The following B3GALT1 variants were observed in gnomAD, a reference collection of about 807,000 sequenced individuals.
B3GALT1 encodes the protein beta-1,3-galactosyltransferase 1, also known as UDP-Gal:betaGlcNAc beta 1,3-galactosyltransferase, polypeptide 1.
Under a neutral mutation model 23.2 loss-of-function variants are expected in B3GALT1, and 10 were observed. That is an observed-to-expected ratio of 0.43 (90% CI 0.27 to 0.73). The LOEUF is 0.73. B3GALT1 is among the 30% of genes least tolerant of loss of function. The pLI is 0.21. For missense variants in B3GALT1, 299 were observed against 405.4 expected (o/e 0.74, Z 2.25); for synonymous variants, 156 against 141.5 (o/e 1.10, Z -0.73).
intron 2 of B3GALT1, among the ~76,000 whole-genome samples, chr2:167,559,179 T>C (rs1046412117): frequency 6.6e-6 from 1 of 152,180 alleles, no homozygotes; most frequent in East Asian, 1.9e-4. Context: ...CAGACACCGC[T>C]GCTGATACCC....
At chr2:167,735,049 CA>C in intron 3 of B3GALT1, among the ~76,000 whole-genome samples, 1 of 152,212 alleles carries the variant, frequency 6.6e-6, no homozygotes, top group Middle Eastern at 3.4e-3. Context: ...ATATTTTAAA[CA>C]ATCACTCCAA....
intron 2 of B3GALT1, among the ~76,000 whole-genome samples, chr2:167,578,505 G>A (rs1295541470): frequency 5.3e-5 from 8 of 151,634 alleles, no homozygotes; most frequent in Admixed American, 5.3e-4. Flanking sequence ...TATTCAAAAT[G>A]AATTTTCTTC....
At chr2:167,766,480 G>T (rs997327208) in intron 3 of B3GALT1, among the ~76,000 whole-genome samples, 3 of 152,160 alleles carry the variant, frequency 2.0e-5, no homozygotes, top group African/African-American at 4.8e-5. Flanking sequence ...AGACACTTTT[G>T]TATGCAATAA....
intron 3 of B3GALT1, among the ~76,000 whole-genome samples, chr2:167,700,951 C>G (rs1686872852): frequency 6.6e-6 from 1 of 152,188 alleles, no homozygotes; most frequent in African/African-American, 2.4e-5. Flanking sequence ...TTCTCAGAAC[C>G]AAGATCCTAA....
At chr2:167,567,328 A>C (rs1001930581) in intron 2 of B3GALT1, among the ~76,000 whole-genome samples, 14 of 152,188 alleles carry the variant, frequency 9.2e-5, no homozygotes, top group Admixed American at 9.2e-4. Context: ...CTTTGATTTA[A>C]ATATAGGAGT....
chr2:167,329,640 C>T (rs2689823), intron 1 of B3GALT1, among the ~76,000 whole-genome samples: 121,213 of 152,058 alleles, frequency 0.8, 50,022 homozygotes, highest in Non-Finnish European at 0.91. Context: ...TAAATCTGGG[C>T]GCTGCAATTT....
chr2:167,624,617 T>A (rs1685310418), intron 2 of B3GALT1, among the ~76,000 whole-genome samples: 1 of 152,068 alleles, frequency 6.6e-6, no homozygotes, highest in Non-Finnish European at 1.5e-5. Context: ...TACTACAGTC[T>A]AACTCCCAAA....
chr2:167,612,290 G>A (rs1685080035), intron 2 of B3GALT1, among the ~76,000 whole-genome samples: 1 of 151,828 alleles, frequency 6.6e-6, no homozygotes, highest in East Asian at 1.9e-4. Flanking sequence ...TATGTTTGCA[G>A]TAAATGAGAC....
At chr2:167,727,541 A>G (rs886949931) in intron 3 of B3GALT1, among the ~76,000 whole-genome samples, 17 of 152,192 alleles carry the variant, frequency 1.1e-4, no homozygotes, top group African/African-American at 4.1e-4. Context: ...ACATTCCAGC[A>G]TACCTCAAAA....
intron 4 of B3GALT1, among the ~76,000 whole-genome samples, chr2:167,861,992 G>A (rs1405968856): frequency 2.6e-5 from 4 of 152,294 alleles, no homozygotes; most frequent in Middle Eastern, 3.4e-3. Flanking sequence ...AAGCTGCTTG[G>A]TGAGGCTCCT....
chr2:167,604,113 C>G (rs1197728897), intron 2 of B3GALT1, among the ~76,000 whole-genome samples: 1 of 152,124 alleles, frequency 6.6e-6, no homozygotes, highest in Non-Finnish European at 1.5e-5. Flanking sequence ...TTATTATAAT[C>G]TGCAGTAATC....
At chr2:167,511,905 G>A (rs939542496) in intron 2 of B3GALT1, among the ~76,000 whole-genome samples, 2 of 151,908 alleles carry the variant, frequency 1.3e-5, no homozygotes, top group African/African-American at 4.8e-5. Context: ...ATTTATTATT[G>A]GGCATCCACC....
intron 2 of B3GALT1, among the ~76,000 whole-genome samples, chr2:167,598,970 A>G (rs1684829123): frequency 6.6e-6 from 1 of 152,222 alleles, no homozygotes; most frequent in South Asian, 2.1e-4. Context: ...ACCACAGAAT[A>G]TCACAGAATC....
chr2:167,808,667 G>A (rs953715290), intron 3 of B3GALT1, among the ~76,000 whole-genome samples: 7 of 151,494 alleles, frequency 4.6e-5, no homozygotes, highest in African/African-American at 7.3e-5. Context: ...TTAGTCTGAT[G>A]GGCTTCCCTT....
intron 1 of B3GALT1, among the ~76,000 whole-genome samples, chr2:167,485,274 C>T (rs1699610304): frequency 6.6e-6 from 1 of 152,140 alleles, no homozygotes; most frequent in South Asian, 2.1e-4. Context: ...GCCTGAACCA[C>T]CCACATGGCA....
chr2:167,535,621 C>G (rs1683403038), intron 2 of B3GALT1, among the ~76,000 whole-genome samples: 1 of 151,402 alleles, frequency 6.6e-6, no homozygotes, highest in South Asian at 2.1e-4. Flanking sequence ...AAAGGAGAGG[C>G]ATACCATGTT....
At chr2:167,568,709 G>A (rs1684225450) in intron 2 of B3GALT1, among the ~76,000 whole-genome samples, 1 of 151,724 alleles carries the variant, frequency 6.6e-6, no homozygotes. Context: ...TTGTATTTCA[G>A]GGAAGTTTTA....
At chr2:167,496,873 C>T (rs1699790192) in intron 2 of B3GALT1, among the ~76,000 whole-genome samples, 1 of 152,098 alleles carries the variant, frequency 6.6e-6, no homozygotes, top group Non-Finnish European at 1.5e-5. Context: ...AGGCTCTCAC[C>T]AGAACCCAAC....
chr2:167,552,471 T>TATA (rs1033181240), intron 2 of B3GALT1, among the ~76,000 whole-genome samples: 52 of 152,326 alleles, frequency 3.4e-4, no homozygotes, highest in African/African-American at 1.2e-3. Flanking sequence ...TTAGTTATAC[T>TATA]ATAATAAAGT....
Sources: allele counts gnomAD v4.1 joint callset (sites outside exome capture counted in the v4.1 genomes callset), GRCh38; gene constraint gnomAD v4.1.1; transcripts MANE v1.5; gene names NCBI Gene and HGNC (gene_info 2026-07-23, HGNC 2026-07-21).